PIP4K2A: variants seen among roughly 807,000 people sequenced by gnomAD.
The protein encoded by PIP4K2A is phosphatidylinositol-5-phosphate 4-kinase type 2 alpha, also known as phosphatidylinositol 5-phosphate 4-kinase type-2 alpha.
Under a neutral mutation model 42.9 loss-of-function variants are expected in PIP4K2A, and 14 were observed. The observed-to-expected ratio is 0.33, with a 90% CI of 0.22 to 0.51. PIP4K2A has a LOEUF of 0.51. Ranked by LOEUF, PIP4K2A falls within the 20% of genes least tolerant of loss-of-function variation. The pLI is 0.97. For missense variants in PIP4K2A, 434 were observed against 519.8 expected (o/e 0.83, Z 1.61); for synonymous variants, 192 against 192.2 (o/e 1.00, Z 0.01).
intron 1 of PIP4K2A, among the ~76,000 whole-genome samples, chr10:22,611,505 A>G (rs1838038367): frequency 6.6e-6 from 1 of 152,220 alleles, no homozygotes; most frequent in Non-Finnish European, 1.5e-5. Context: ...GTTAAACTAA[A>G]GAAGGCCAAA....
intron 6 of PIP4K2A, among the ~76,000 whole-genome samples, chr10:22,562,778 G>A (rs879045119): frequency 3.3e-5 from 5 of 152,060 alleles, no homozygotes; most frequent in Admixed American, 2.6e-4. Context: ...TCTGCTGACC[G>A]TCCTTCCAGG....
intron 1 of PIP4K2A, among the ~76,000 whole-genome samples, chr10:22,622,249 C>T (rs1411344771): frequency 6.6e-6 from 1 of 152,188 alleles, no homozygotes; most frequent in Non-Finnish European, 1.5e-5. Context: ...CCACTCAATG[C>T]CATGTGCTCC....
intron 1 of PIP4K2A, among the ~76,000 whole-genome samples, chr10:22,674,678 A>G (rs1394712703): frequency 6.6e-6 from 1 of 152,122 alleles, no homozygotes; most frequent in Non-Finnish European, 1.5e-5. Context: ...ACAGTGATTC[A>G]TGCCTGTAAT....
chr10:22,579,090 C>A (rs185293881), intron 4 of PIP4K2A, among the ~76,000 whole-genome samples: 2 of 151,858 alleles, frequency 1.3e-5, no homozygotes, highest in East Asian at 3.9e-4. Context: ...AGGCATATGT[C>A]GGGCATGAAA....
intron 3 of PIP4K2A, 21 bp from the exon 4 acceptor site, chr10:22,591,802 G>C: frequency 6.3e-7 from 1 of 1,591,662 alleles, no homozygotes; most frequent in Non-Finnish European, 8.6e-7. Flanking sequence ...GGGGTAAGAG[G>C]GGAAGGAAGG....
intron 1 of PIP4K2A, among the ~76,000 whole-genome samples, chr10:22,693,081 G>A (rs1010801741): frequency 6.6e-6 from 1 of 152,136 alleles, no homozygotes; most frequent in Admixed American, 6.5e-5. Flanking sequence ...ATCGATTGGG[G>A]TCATAAGTTT....
At chr10:22,621,744 T>C (rs904949327) in intron 1 of PIP4K2A, among the ~76,000 whole-genome samples, 2 of 152,164 alleles carry the variant, frequency 1.3e-5, no homozygotes, top group African/African-American at 4.8e-5. Context: ...TGTAAGACAA[T>C]GGAGAAGGGG....
chr10:22,709,119 T>A (rs1369717449), intron 1 of PIP4K2A, among the ~76,000 whole-genome samples: 1 of 151,236 alleles, frequency 6.6e-6, no homozygotes, highest in East Asian at 1.9e-4. Flanking sequence ...TTTTTTTTTT[T>A]TTAAAAGTCC....
chr10:22,706,435 C>T (rs1472600443), intron 1 of PIP4K2A, among the ~76,000 whole-genome samples: 1 of 152,204 alleles, frequency 6.6e-6, no homozygotes, highest in Non-Finnish European at 1.5e-5. Context: ...CACCAGCTGA[C>T]CCCTCCGCCT....
chr10:22,668,346 T>G (rs1397459574), intron 1 of PIP4K2A, among the ~76,000 whole-genome samples: 1 of 152,172 alleles, frequency 6.6e-6, no homozygotes, highest in Non-Finnish European at 1.5e-5. Flanking sequence ...CATCACAGAC[T>G]ATCACCAACT....
At chr10:22,630,347 T>C (rs1428982792) in intron 1 of PIP4K2A, among the ~76,000 whole-genome samples, 2 of 124,604 alleles carry the variant, frequency 1.6e-5, no homozygotes, top group Non-Finnish European at 3.0e-5. Context: ...ATGATCACCA[T>C]AACAGTTTAA....
intron 1 of PIP4K2A, among the ~76,000 whole-genome samples, chr10:22,685,347 G>A (rs1345179640): frequency 1.3e-5 from 2 of 152,090 alleles, no homozygotes; most frequent in Non-Finnish European, 2.9e-5. Context: ...GAATCATTAA[G>A]ACAATTTTCC....
intron 1 of PIP4K2A, among the ~76,000 whole-genome samples, chr10:22,613,752 A>G (rs530106487): frequency 1.3e-5 from 2 of 152,344 alleles, no homozygotes; most frequent in African/African-American, 2.4e-5. Flanking sequence ...GAACTTGTGG[A>G]TGACATTCCT....
chr10:22,691,859 AG>A (rs148941258), intron 1 of PIP4K2A: 1 of 152,310 alleles, frequency 6.6e-6, no homozygotes, highest in Non-Finnish European at 1.5e-5. Context: ...ATAGAACAAT[AG>A]CTGAGATTCT....
intron 1 of PIP4K2A, among the ~76,000 whole-genome samples, chr10:22,689,771 T>C (rs930941273): frequency 3.9e-5 from 6 of 152,158 alleles, no homozygotes; most frequent in Non-Finnish European, 5.9e-5. Context: ...GCAAAGAAAG[T>C]GGAAACATAT....
At chr10:22,661,273 T>C (rs1288131479) in intron 1 of PIP4K2A, among the ~76,000 whole-genome samples, 1 of 152,072 alleles carries the variant, frequency 6.6e-6, no homozygotes, top group African/African-American at 2.4e-5. Context: ...AAGCAACACT[T>C]ATCCTCCAAA....
chr10:22,547,300 C>T (rs183827634), intron 7 of PIP4K2A, among the ~76,000 whole-genome samples: 50 of 152,306 alleles, frequency 3.3e-4, no homozygotes, highest in Admixed American at 9.8e-4. Context: ...AACAAAGCCT[C>T]CACTGTGCTC....
intron 1 of PIP4K2A, among the ~76,000 whole-genome samples, chr10:22,711,008 G>A (rs1054956624): frequency 3.3e-5 from 5 of 152,094 alleles, no homozygotes; most frequent in African/African-American, 7.2e-5. Context: ...CTTACTGTTT[G>A]ATCATTTTTA....
chr10:22,557,863 G>GTT lies in PIP4K2A; in HGVS notation c.679-7093_679-7092dup, dbSNP rs1487629717. Among the ~76,000 whole-genome samples the GTT allele has an allele frequency of 2.0e-5, 3 of 152,132 alleles. No homozygotes were observed. The East Asian group carries it at 5.8e-4, about 29-fold the overall frequency. On this transcript the variant is annotated intron_variant, in intron 6 of 9. Transcript: ENST00000376573. ...CAAAATCTTTATAATATAGAGCCAA[G>GTT]TTTTTATTTTAGTCTGGATGGAAAC...
Sources: gnomAD v4.1 joint callset for allele counts (sites outside exome capture counted in the v4.1 genomes callset) on GRCh38, gnomAD v4.1.1 for gene constraint, MANE v1.5 for transcripts, NCBI Gene and HGNC (gene_info 2026-07-23, HGNC 2026-07-21) for gene names.